UBR4: variants seen among roughly 807,000 people sequenced by gnomAD.
UBR4 encodes E3 ubiquitin-protein ligase UBR4.
Under a neutral mutation model 575.6 loss-of-function variants are expected in UBR4, and 124 were observed. That is an observed-to-expected ratio of 0.22 (90% CI 0.19 to 0.25). UBR4 has a LOEUF of 0.25. Among genes scored for constraint, UBR4 ranks in the 10% least tolerant of loss-of-function variants. UBR4 has a pLI of 1.00. For missense variants in UBR4, 4,818 were observed against 6,478.8 expected (o/e 0.74, Z 8.80); for synonymous variants, 2,455 against 2,473.7 (o/e 0.99, Z 0.22).
At chr1:19,079,689 C>G (rs1176954688) in intron 103 of UBR4, 1 of 152,402 alleles carries the variant, frequency 6.6e-6, no homozygotes, top group South Asian at 2.1e-4. Context: ...ACACGCCCTT[C>G]CAGCCGCGGT....
At chr1:19,078,372 G>T (rs933061298) in intron 103 of UBR4, 13 of 271,284 alleles carry the variant, frequency 4.8e-5, no homozygotes, top group African/African-American at 2.9e-4. Context: ...CAAATGCAAG[G>T]CTAGTGACTT....
intron 9 of UBR4, 151 bp from the exon 10 acceptor site, chr1:19,192,691 G>A (rs1450628278): frequency 3.7e-6 from 3 of 810,240 alleles, no homozygotes; most frequent in Non-Finnish European, 6.0e-6. Flanking sequence ...TTCACATGGA[G>A]CTGACTCCCT....
chr1:19,086,372 T>C, intron 100 of UBR4, 102 bp from the exon 101 acceptor site: 1 of 1,368,116 alleles, frequency 7.3e-7, no homozygotes, highest in South Asian at 1.4e-5. Context: ...ATGCCAACAC[T>C]AAGAAGTCAG....
At chr1:19,208,765 A>G (rs912160639) in intron 1 of UBR4, among the ~76,000 whole-genome samples, 5 of 152,160 alleles carry the variant, frequency 3.3e-5, no homozygotes, top group Admixed American at 6.6e-5. Flanking sequence ...ATATTTTATA[A>G]CCTATCCAGC....
intron 90 of UBR4, among the ~76,000 whole-genome samples, chr1:19,098,950 G>A (rs2078335064): frequency 6.6e-6 from 1 of 152,064 alleles, no homozygotes; most frequent in Non-Finnish European, 1.5e-5. Context: ...GAGAAATGGA[G>A]GGGAAGAAAA....
intron 78 of UBR4, 96 bp downstream of exon 78, chr1:19,112,428 T>C: frequency 2.9e-6 from 4 of 1,389,688 alleles, no homozygotes; most frequent in Non-Finnish European, 3.9e-6. Context: ...TGCTGGGTGG[T>C]CAGAAGCACT....
Position 19,101,592 on chromosome 1 carries a change from G to C in UBR4, c.12951C>G (p.Ala4317=). The C allele has an allele frequency of 1.2e-6, 2 of 1,613,986 alleles. No homozygotes were observed. The highest frequency in any genetic ancestry group is 1.7e-6 in the Non-Finnish European group (2 of 1,179,848). The change falls in exon 88 of 106, where the codon GCC becomes GCG. Residue 4317 remains alanine, a synonymous_variant. Transcript: ENST00000375254. The stretch of plus-strand genomic sequence containing the variant: ...GGTAGTCATCCAGATTGTAGCGCTT[G>C]GCTGTCTCAATGCACACAGCCATGA... ...KAFMAVCIET[A]KRYNLDDYRT... is the part of the protein sequence containing the mutation.
chr1:19,101,599 T>A lies in UBR4; in HGVS notation c.12944A>T (p.Glu4315Val). Residue 4315 changes from glutamate (E) to valine (V), a missense_variant, in exon 88 of 106, where the codon GAG (glutamate) becomes GTG (valine). Transcript: ENST00000375254. ...ATCCAGATTGTAGCGCTTGGCTGTC[T>A]CAATGCACACAGCCATGAAGGCCTT... ...ETKAFMAVCI[E>V]TAKRYNLDDY... 1 of 1,613,844 alleles carries A rather than the reference T, an allele frequency of 6.2e-7. No homozygotes were observed. Among genetic ancestry groups the A allele is most frequent in the Non-Finnish European group, 8.5e-7 (1 of 1,179,728 alleles).
intron 34 of UBR4, among the ~76,000 whole-genome samples, chr1:19,163,334 G>A (rs1035844362): frequency 2.6e-5 from 4 of 152,166 alleles, no homozygotes; most frequent in African/African-American, 4.8e-5. Context: ...GTTTCAAACC[G>A]CTTTTCTTAC....
intron 77 of UBR4, chr1:19,113,391 T>G (rs1409102845): frequency 1.4e-5 from 5 of 364,020 alleles, no homozygotes; most frequent in African/African-American, 4.1e-5. Flanking sequence ...GCATCAAATT[T>G]TTTAAGACCA....
In UBR4 at chr1:19,110,659, A is replaced by G; in HGVS notation, c.11892+83T>C. ...TGCTCCTTCCCTCCTCAGTCACCGC[A>G]GGACCTGGGAGGGGAAGCTGAGAAA... On this transcript the variant is annotated intron_variant, in intron 79 of 105. Coordinates refer to ENST00000375254, the MANE Select transcript of UBR4 (RefSeq NM_020765.3). This position sits in a 1 kb window ranked among gnomAD's most constrained non-coding sequence, Gnocchi z 4.5. 7 of 1,492,968 alleles carry G rather than the reference A, an allele frequency of 4.7e-6. No homozygotes were observed. Among genetic ancestry groups the G allele is most frequent in the Non-Finnish European group, 6.5e-6 (7 of 1,071,396 alleles). 92.5% of individuals were successfully genotyped at this position (1,492,968 alleles called of 1,614,324 possible). A position where few individuals can be genotyped will look rare whatever the true frequency, so the allele number is the denominator to read the frequency against.
At position 19,120,327 on chromosome 1, in the gene UBR4, T is replaced by G. The variant is rs2081032572; in HGVS notation, c.10163A>C (p.Glu3388Ala). ...EKDGETSGSQ[E>A]DQLCTALVNQ... ...CACCAGAGCTGTGCACAGCTGGTCC[T>G]CCTGGCTGCCAGAGGTCTCACCTGC... The change falls in exon 69 of 106, where the codon GAG becomes GCG. Residue 3388 changes from glutamate to alanine, a missense_variant. Glu to Ala is a moderately radical substitution (Grantham distance 107). Coordinates refer to ENST00000375254, the MANE Select transcript of UBR4 (RefSeq NM_020765.3). 1 of 1,614,158 alleles carries G rather than the reference T, an allele frequency of 6.2e-7. No individual in the cohort carries two copies. Among genetic ancestry groups the G allele is most frequent in the Non-Finnish European group, 8.5e-7 (1 of 1,179,998 alleles).
chr1:19,197,596 C>T, intron 7 of UBR4, 74 bp downstream of exon 7: 1 of 1,567,792 alleles, frequency 6.4e-7, no homozygotes, highest in Non-Finnish European at 8.6e-7. Context: ...CCCTGCACTC[C>T]AGCCTGGGTG....
chr1:19,150,915 CTT>C, intron 48 of UBR4, 122 bp from the exon 49 acceptor site: 1 of 946,536 alleles, frequency 1.1e-6, no homozygotes, highest in East Asian at 2.4e-5. Flanking sequence ...CATAGAGAAA[CTT>C]TATCTTCTGA....
At chr1:19,145,959 AC>A in intron 52 of UBR4, 26 bp from the exon 53 acceptor site, 1 of 1,612,658 alleles carries the variant, frequency 6.2e-7, no homozygotes, top group Non-Finnish European at 8.5e-7. Flanking sequence ...AAAATTATCA[AC>A]GATGGTAAAT....
rs763745531 is a variant in UBR4, at chr1:19,169,487, C to G, written c.3689G>C (p.Cys1230Ser). ...GGTATTGATGTTGTTCCAGGACTCACACACAGTCTGCACTGACGATGGCAA... is the reference window on the plus strand; with the variant it reads ...GGTATTGATGTTGTTCCAGGACTCAGACACAGTCTGCACTGACGATGGCAA... Reference protein sequence around the residue: ...QNLPSSVQTVCESWNNINTNE... With the variant: ...QNLPSSVQTVSESWNNINTNE... The change falls in exon 27 of 106, where the codon TGT becomes TCT. Residue 1230 changes from cysteine (C) to serine (S), a missense_variant. Physicochemically the swap from Cys to Ser is moderately radical, Grantham distance 112. This residue lies in a region of UBR4 where 1,172 missense variants were observed against 1,259.7 expected (regional missense o/e 0.93). Coordinates refer to ENST00000375254, the MANE Select transcript of UBR4 (RefSeq NM_020765.3). The G allele has an allele frequency of 1.9e-6, 3 of 1,613,900 alleles. No individual in the cohort carries two copies. The African/African-American group carries it at 4.0e-5, about 22-fold the overall frequency.
At chr1:19,164,760 G>T (rs2088025054) in intron 32 of UBR4, 39 bp downstream of exon 32, 1 of 1,603,184 alleles carries the variant, frequency 6.2e-7, no homozygotes, top group African/African-American at 1.3e-5. Flanking sequence ...GTGTTTCTGG[G>T]GTTGCTAGGG....
intron 87 of UBR4, among the ~76,000 whole-genome samples, chr1:19,103,234 C>T (rs1419959006): frequency 6.6e-6 from 1 of 152,142 alleles, no homozygotes; most frequent in Non-Finnish European, 1.5e-5. Context: ...AATTATCAGA[C>T]ACAAATGTTT....
At chr1:19,175,535 T>A (rs1304688793) in intron 20 of UBR4, among the ~76,000 whole-genome samples, 1 of 152,112 alleles carries the variant, frequency 6.6e-6, no homozygotes, top group Non-Finnish European at 1.5e-5. Flanking sequence ...AAACACACAC[T>A]AAAAATGAAC....
Sources: gnomAD v4.1 joint callset for allele counts (sites outside exome capture counted in the v4.1 genomes callset) on GRCh38, gnomAD v4.1.1 for gene constraint, gnomAD v4.1.1 regional missense constraint, Gnocchi (gnomAD v3.1) non-coding constraint, MANE v1.5 for transcripts, NCBI Gene and HGNC (gene_info 2026-07-23, HGNC 2026-07-21) for gene names.